The following SENP6 variants were observed in gnomAD, a reference collection of about 807,000 sequenced individuals.
The protein encoded by SENP6 is SUMO specific peptidase 6.
A neutral mutation model predicts 134.5 loss-of-function variants in SENP6; 41 were observed. The observed-to-expected ratio is 0.30, with a 90% CI of 0.24 to 0.40. The LOEUF is 0.40. Among genes scored for constraint, SENP6 ranks in the 10% least tolerant of loss-of-function variants. The pLI is 1.00. For missense variants in SENP6, 1,248 were observed against 1,312.5 expected, an observed-to-expected ratio of 0.95 and a Z score of 0.76; for synonymous variants, 395 against 429.8, an observed-to-expected ratio of 0.92 and a Z score of 1.00.
At chr6:75,709,456 A>C in intron 19 of SENP6, 71 bp from the exon 20 acceptor site, 1 of 1,000,244 alleles carries the variant, frequency 1.0e-6, no homozygotes, top group Non-Finnish European at 1.5e-6. Flanking sequence ...TACTAGCATT[A>C]ATTTCAGCCT....
At position 75,659,897 on chromosome 6, in the gene SENP6, T is replaced by A. The variant is rs902816609; in HGVS notation, c.696+490T>A. 7.2e-5 allele frequency among the ~76,000 whole-genome samples: 11 copies of A among 152,184 alleles called. No individual in the cohort carries two copies. In the East Asian group the frequency reaches 9.6e-4, roughly 13 times the overall value. On this transcript the variant is annotated intron_variant, in intron 8 of 23. Transcript: ENST00000447266. ...CATTTAATATTTAAGTATGTGTGTT[T>A]TTGGTTTTTTATAATCAGAATACAT...
chr6:75,639,526 A>G (rs1769868348), intron 5 of SENP6, among the ~76,000 whole-genome samples: 1 of 152,002 alleles, frequency 6.6e-6, no homozygotes, highest in Admixed American at 6.6e-5. Context: ...GAATTTGGGG[A>G]TTTTGTAAAT....
intron 8 of SENP6, among the ~76,000 whole-genome samples, chr6:75,661,839 G>A (rs1771801597): frequency 6.6e-6 from 1 of 152,134 alleles, no homozygotes; most frequent in Non-Finnish European, 1.5e-5. Context: ...ATCACCTGAG[G>A]TCAGGAGTTT....
At chr6:75,671,684 T>C (rs1562031532) in intron 11 of SENP6, among the ~76,000 whole-genome samples, 1 of 152,154 alleles carries the variant, frequency 6.6e-6, no homozygotes, top group Non-Finnish European at 1.5e-5. Context: ...ACGGCGCCAC[T>C]GCACTCCAGT....
chr6:75,602,400 G>A lies in SENP6; in HGVS notation c.-125G>A. The A allele has an allele frequency of 9.6e-6, 11 of 1,148,818 alleles. No individual in the cohort carries two copies. Among genetic ancestry groups the A allele is most frequent in the Non-Finnish European group, 1.4e-5 (11 of 804,480 alleles). 71.2% of individuals were successfully genotyped at this position (1,148,818 alleles called of 1,614,324 possible). A position where few individuals can be genotyped will look rare whatever the true frequency, so the allele number is the denominator to read the frequency against. ...CTGAACGTGGGAGCGCAGCCCGCCTGACGGCTGAGCCCGAGGCCCGCAACC... is the reference window on the plus strand; with the variant it reads ...CTGAACGTGGGAGCGCAGCCCGCCTAACGGCTGAGCCCGAGGCCCGCAACC... On this transcript the variant is annotated 5_prime_UTR_variant, in exon 1 of 24. Transcript: ENST00000447266.
chr6:75,617,885 A>AC (rs1561969181), intron 1 of SENP6, among the ~76,000 whole-genome samples: 1 of 152,182 alleles, frequency 6.6e-6, no homozygotes, highest in Non-Finnish European at 1.5e-5. Context: ...TACTGTATAC[A>AC]GGTATTTTAT....
chr6:75,695,665 A>C (rs1774611369), intron 16 of SENP6, 139 bp from the exon 17 acceptor site: 2 of 490,642 alleles, frequency 4.1e-6, no homozygotes, highest in Admixed American at 7.7e-5. Context: ...TGAACCCAGG[A>C]GGTGGAGGTT....
At position 75,673,592 on chromosome 6, in the gene SENP6, G is replaced by T. The variant is rs1325953958; in HGVS notation, c.1393-1843G>T. 4.6e-5 allele frequency among the ~76,000 whole-genome samples: 7 copies of T among 151,722 alleles called. No homozygotes were observed. In the South Asian group the frequency reaches 6.3e-4, roughly 14 times the overall value. Reference sequence around the variant, plus strand: ...ACCTGCCTTGGCCTCCCAAAGTGCTGGGATTACAGGTGTGAGCCACTGTGC... The same window carrying T: ...ACCTGCCTTGGCCTCCCAAAGTGCTTGGATTACAGGTGTGAGCCACTGTGC... On this transcript the variant is annotated intron_variant, in intron 11 of 23. Transcript: ENST00000447266.
At chr6:75,685,507 T>C (rs187332523) in intron 16 of SENP6, among the ~76,000 whole-genome samples, 2 of 152,342 alleles carry the variant, frequency 1.3e-5, no homozygotes, top group East Asian at 3.9e-4. Context: ...TCCTGCTTTC[T>C]CTTGTGGGCA....
chr6:75,624,647 G>GTA (rs1484555454), intron 3 of SENP6, among the ~76,000 whole-genome samples: 5 of 152,078 alleles, frequency 3.3e-5, no homozygotes, highest in Admixed American at 3.3e-4. Context: ...CATTTCATAT[G>GTA]TATAGTCTCA....
At chr6:75,654,507 A>G (rs1771161853) in intron 7 of SENP6, among the ~76,000 whole-genome samples, 1 of 152,246 alleles carries the variant, frequency 6.6e-6, no homozygotes, top group Non-Finnish European at 1.5e-5. Context: ...GTATTTAGCC[A>G]GAAGTGATTT....
Position 75,715,473 on chromosome 6 carries a change from A to G in SENP6, c.3218A>G (p.Asn1073Ser), listed in dbSNP as rs372409080. 3 of 1,613,488 alleles carry G rather than the reference A, an allele frequency of 1.9e-6. No homozygotes were observed. The African/African-American group carries it at 4.0e-5, about 22-fold the overall frequency. ...AGAACAAAAAGAGAAGAAATCCGAA[A>G]CATAATTCTGAAGCTACAGGAAGAT... ...RMRTKREEIR[N>S]IILKLQEDQS... is the part of the protein sequence containing the mutation. The change falls in exon 24 of 24, where the codon AAC becomes AGC. Residue 1073 changes from asparagine (N) to serine (S), a missense_variant. Around this residue, in one of 3 missense-constraint regions of SENP6, gnomAD observed 386 missense variants for 395.0 expected, o/e 0.98. Coordinates refer to ENST00000447266, the MANE Select transcript of SENP6 (RefSeq NM_015571.4).
intron 16 of SENP6, among the ~76,000 whole-genome samples, chr6:75,691,281 T>C (rs1026644789): frequency 6.6e-6 from 1 of 151,822 alleles, no homozygotes; most frequent in African/African-American, 2.4e-5. Context: ...TAGCTGGGAC[T>C]ACATGTGCGA....
At chr6:75,708,603 A>T (rs560228202) in intron 19 of SENP6, among the ~76,000 whole-genome samples, 86 of 152,228 alleles carry the variant, frequency 5.6e-4, no homozygotes, top group African/African-American at 1.9e-3. Context: ...CTTAAAAAAT[A>T]AATAAGTGAG....
chr6:75,706,898 A>T (rs1328235162), intron 19 of SENP6, among the ~76,000 whole-genome samples: 1 of 152,210 alleles, frequency 6.6e-6, no homozygotes, highest in Non-Finnish European at 1.5e-5. Context: ...TTGACACCTT[A>T]TGAAATAGTT....
intron 5 of SENP6, among the ~76,000 whole-genome samples, chr6:75,638,109 A>G (rs1433896272): frequency 6.6e-6 from 1 of 151,762 alleles, no homozygotes; most frequent in Non-Finnish European, 1.5e-5. Flanking sequence ...TAGTCCACCC[A>G]CCTTGGCCTC....
chr6:75,695,311 T>C (rs1774583117), intron 16 of SENP6, among the ~76,000 whole-genome samples: 1 of 152,270 alleles, frequency 6.6e-6, no homozygotes, highest in African/African-American at 2.4e-5. Context: ...TGTTATAATT[T>C]TATTTTCAAA....
At chr6:75,670,219 G>A (rs571979009) in intron 10 of SENP6, among the ~76,000 whole-genome samples, 48 of 152,240 alleles carry the variant, frequency 3.2e-4, no homozygotes, top group Non-Finnish European at 5.4e-4. Flanking sequence ...AGTGCTGGGA[G>A]TACAGGTGTG....
At chr6:75,691,229 A>G (rs1582870925) in intron 16 of SENP6, among the ~76,000 whole-genome samples, 1 of 146,944 alleles carries the variant, frequency 6.8e-6, no homozygotes, top group Non-Finnish European at 1.5e-5. Context: ...TGAAGCCCAG[A>G]CCTCCCTGGC....
Sources: allele counts gnomAD v4.1 joint callset (sites outside exome capture counted in the v4.1 genomes callset), GRCh38; gene constraint gnomAD v4.1.1; regional missense constraint gnomAD v4.1.1; transcripts MANE v1.5; gene names NCBI Gene and HGNC (gene_info 2026-07-23, HGNC 2026-07-21).